ADARB2: variants seen among roughly 807,000 people sequenced by gnomAD.
The protein encoded by ADARB2 is adenosine deaminase RNA specific B2 (inactive).
In ADARB2, 25 loss-of-function variants were observed where a neutral mutation model predicts 62.2. The observed-to-expected ratio is 0.40, with a 90% CI of 0.29 to 0.56. ADARB2 has a LOEUF of 0.56. ADARB2 is among the 20% of genes least tolerant of loss of function. The pLI is 0.43. For missense variants in ADARB2, 1,071 were observed against 1,077.4 expected (o/e 0.99, Z 0.08); for synonymous variants, 572 against 500.8 (o/e 1.14, Z -1.90).
intron 1 of ADARB2, among the ~76,000 whole-genome samples, chr10:1,405,629 CAAAAA>C (rs3029747): frequency 1.2e-5 from 1 of 86,936 alleles, no homozygotes; most frequent in Non-Finnish European, 2.3e-5. Flanking sequence ...GATTCAGTCT[CAAAAA>C]AAAAAAAAAA....
At chr10:1,567,182 C>T (rs891581758) in intron 1 of ADARB2, among the ~76,000 whole-genome samples, 2 of 150,860 alleles carry the variant, frequency 1.3e-5, no homozygotes, top group Non-Finnish European at 3.0e-5. Context: ...TGGGTCCTCC[C>T]CCCACCGAGA....
chr10:1,576,564 A>AGCAGTGCT (rs1833024508), intron 1 of ADARB2, among the ~76,000 whole-genome samples: 1 of 152,160 alleles, frequency 6.6e-6, no homozygotes. Flanking sequence ...CCCAGGGATA[A>AGCAGTGCT]GCAGTGCTAG....
chr10:1,215,010 T>C (rs1017515395), intron 7 of ADARB2, among the ~76,000 whole-genome samples: 3 of 151,778 alleles, frequency 2.0e-5, no homozygotes, highest in African/African-American at 7.3e-5. Context: ...CTGCCTGGAG[T>C]CCAGAAGCCG....
chr10:1,712,950 C>T (rs140835648), intron 1 of ADARB2, among the ~76,000 whole-genome samples: 67 of 152,224 alleles, frequency 4.4e-4, no homozygotes, highest in African/African-American at 1.6e-3. Flanking sequence ...ATGATTTTTC[C>T]TACTAACACG....
At chr10:1,227,503 C>G (rs1221274532) in intron 6 of ADARB2, among the ~76,000 whole-genome samples, 1 of 152,200 alleles carries the variant, frequency 6.6e-6, no homozygotes, top group Admixed American at 6.5e-5. Flanking sequence ...GTCGCTCACG[C>G]TGGGAGCTGT....
At chr10:1,294,583 C>T (rs1366709023) in intron 3 of ADARB2, among the ~76,000 whole-genome samples, 1 of 152,144 alleles carries the variant, frequency 6.6e-6, no homozygotes, top group African/African-American at 2.4e-5. Flanking sequence ...GACCCTAGGA[C>T]TTCTCCGGCT....
At chr10:1,507,415 G>A (rs1027346587) in intron 1 of ADARB2, among the ~76,000 whole-genome samples, 15 of 152,212 alleles carry the variant, frequency 9.9e-5, no homozygotes, top group African/African-American at 3.4e-4. Context: ...GGCTGCATCC[G>A]GAGCTCCCTG....
rs745915225 is a variant in ADARB2, at chr10:1,242,259, C to T, written c.1233G>A (p.Ser411=). Residue 411 remains serine, a synonymous_variant, in exon 5 of 10, where the codon TCG becomes TCA. Coordinates refer to ENST00000381312, the MANE Select transcript of ADARB2 (RefSeq NM_018702.4). The stretch of plus-strand genomic sequence containing the variant: ...GCTCGCCGCTGATGCACTTGGTCCC[C>T]GAGGACAGGGCCACGACCTGCGCCT... ...ARQAQVVALS[S]GTKCISGEHL... 1.3e-5 allele frequency: 21 copies of T among 1,584,010 alleles called. No homozygotes were observed. The highest frequency in any genetic ancestry group is 2.3e-5 in the East Asian group (1 of 43,496).
At chr10:1,580,659 C>T (rs974103910) in intron 1 of ADARB2, among the ~76,000 whole-genome samples, 10 of 152,148 alleles carry the variant, frequency 6.6e-5, no homozygotes, top group East Asian at 3.9e-4. Context: ...GGTGTTGAAC[C>T]TTCTATGGGC....
At chr10:1,442,530 T>G (rs539593268) in intron 1 of ADARB2, among the ~76,000 whole-genome samples, 9 of 152,340 alleles carry the variant, frequency 5.9e-5, no homozygotes, top group African/African-American at 2.2e-4. Context: ...ACATTTTCAC[T>G]TAATAGCTAC....
At chr10:1,524,194 A>G (rs1270739506) in intron 1 of ADARB2, among the ~76,000 whole-genome samples, 1 of 152,120 alleles carries the variant, frequency 6.6e-6, no homozygotes, top group Admixed American at 6.5e-5. Flanking sequence ...GAGACATACA[A>G]ACTTCTTATA....
rs1832284616 is a variant in ADARB2, at chr10:1,363,677, C to T, written c.428G>A (p.Arg143Gln). ...LHELRPGLQY[R>Q]TVSQTGPVHA... ...CACCGGGCCCGTCTGCGACACTGTC[C>T]GGTACTGCAGGCCCGGCCTCAGCTC... Residue 143 changes from arginine (R) to glutamine (Q), a missense_variant, in exon 3 of 10, where the codon CGG (arginine) becomes CAG (glutamine). Coordinates refer to ENST00000381312, the MANE Select transcript of ADARB2 (RefSeq NM_018702.4). 2 of 1,611,014 alleles carry T rather than the reference C, an allele frequency of 1.2e-6. No homozygotes were observed. The highest frequency in any genetic ancestry group is 2.7e-5 in the African/African-American group (2 of 74,584).
intron 1 of ADARB2, among the ~76,000 whole-genome samples, chr10:1,714,468 G>A (rs1278548801): frequency 1.3e-5 from 2 of 152,224 alleles, no homozygotes; most frequent in African/African-American, 4.8e-5. Context: ...GCACGCATCT[G>A]AACCAGCCAA....
chr10:1,399,109 G>A (rs1832640524), intron 1 of ADARB2, among the ~76,000 whole-genome samples: 1 of 152,204 alleles, frequency 6.6e-6, no homozygotes, highest in Admixed American at 6.5e-5. Flanking sequence ...GCAGGGACTG[G>A]TTATTTTGTC....
At chr10:1,500,670 A>G (rs1831755670) in intron 1 of ADARB2, among the ~76,000 whole-genome samples, 1 of 152,242 alleles carries the variant, frequency 6.6e-6, no homozygotes, top group East Asian at 1.9e-4. Context: ...GATACACAGC[A>G]AAAACATTTA....
intron 1 of ADARB2, among the ~76,000 whole-genome samples, chr10:1,536,320 C>T (rs1832333018): frequency 6.6e-6 from 1 of 152,190 alleles, no homozygotes; most frequent in South Asian, 2.1e-4. Context: ...CATGGCAATC[C>T]TAGTGGGCTG....
chr10:1,180,939 G>T lies in ADARB2; in HGVS notation c.*2254C>A, dbSNP rs906168270. The T allele has an allele frequency of 6.6e-6, 1 of 152,218 alleles. No homozygotes were observed. The highest frequency in any genetic ancestry group is 1.5e-5 in the Non-Finnish European group (1 of 68,048). The allele number at this position is 152,218 out of a possible 1,614,324, so 9.4% of individuals were successfully genotyped here. Reference sequence around the variant, plus strand: ...TTGTTTCTGGAAGGTCAATGCCTGAGACAAAACGAATCCCAACCCCCCAGC... The same window carrying T: ...TTGTTTCTGGAAGGTCAATGCCTGATACAAAACGAATCCCAACCCCCCAGC... On this transcript the variant is annotated 3_prime_UTR_variant, in exon 10 of 10. Coordinates refer to ENST00000381312, the MANE Select transcript of ADARB2 (RefSeq NM_018702.4).
intron 1 of ADARB2, among the ~76,000 whole-genome samples, chr10:1,557,733 A>C (rs1444505752): frequency 6.6e-6 from 1 of 152,108 alleles, no homozygotes; most frequent in Non-Finnish European, 1.5e-5. Context: ...GTGAAACCCC[A>C]TCTCTAATAC....
intron 1 of ADARB2, among the ~76,000 whole-genome samples, chr10:1,519,565 T>C (rs564249940): frequency 1.3e-5 from 2 of 152,308 alleles, no homozygotes; most frequent in East Asian, 3.9e-4. Flanking sequence ...TCATCCCCGG[T>C]GCCCTACTGT....
Sources: allele counts gnomAD v4.1 joint callset (sites outside exome capture counted in the v4.1 genomes callset), GRCh38; gene constraint gnomAD v4.1.1; transcripts MANE v1.5; gene names NCBI Gene and HGNC (gene_info 2026-07-23, HGNC 2026-07-21).